Variants in ASAH1 observed in about 807,000 individuals in gnomAD.
The protein encoded by ASAH1 is N-acylsphingosine amidohydrolase 1.
A neutral mutation model predicts 59.5 loss-of-function variants in ASAH1; 70 were observed. That is an observed-to-expected ratio of 1.18 (90% CI 0.97 to 1.43). The LOEUF (loss-of-function observed/expected upper bound fraction) is 1.43. ASAH1 is among the 40% of genes most tolerant of loss of function. The probability of loss-of-function intolerance (pLI) is 0.00; values close to 1 mark genes in which losing one functional copy is unlikely to be tolerated. For synonymous variants in ASAH1, 213 were observed against 166.5 expected (o/e 1.28, Z -2.15); for missense variants, 660 against 482.5 (o/e 1.37, Z -3.45).
upstream of ASAH1, chr8:18,084,671 C>T (rs1171035271): frequency 1.2e-6 from 2 of 1,613,386 alleles, no homozygotes; most frequent in Non-Finnish European, 1.7e-6. Context: ...CTGTTGGTTA[C>T]CCACTTGGGC....
intron 13 of ASAH1, 48 bp downstream of exon 13, chr8:18,058,787 C>A: frequency 6.7e-7 from 1 of 1,503,288 alleles, no homozygotes; most frequent in Non-Finnish European, 9.3e-7. Context: ...AAACATAGGG[C>A]CAAATTCTTT....
rs759227096 is a variant in ASAH1, at chr8:18,084,067, C to G, written c.-9G>C. On this transcript the variant is annotated 5_prime_UTR_variant, in exon 1 of 14. Coordinates refer to ENST00000637790, the MANE Select transcript of ASAH1 (RefSeq NM_177924.5). ...CAACTCCGGCCCGGCATCGCTCTAG[C>G]AGCCAACGCCACTCCCCGGACTCCA... 19 of 1,598,348 alleles carry G rather than the reference C, an allele frequency of 1.2e-5. No individual in the cohort carries two copies. In the African/African-American group the frequency reaches 2.4e-4, roughly 20 times the overall value.
chr8:18,070,940 G>C (rs562347958), intron 3 of ASAH1, among the ~76,000 whole-genome samples: 12 of 152,190 alleles, frequency 7.9e-5, no homozygotes, highest in Non-Finnish European at 1.8e-4. Flanking sequence ...GGGCATGGCG[G>C]CTCATGCCTA....
chr8:18,079,474 G>T (rs1390476667), intron 1 of ASAH1, among the ~76,000 whole-genome samples: 1 of 139,434 alleles, frequency 7.2e-6, no homozygotes, highest in Non-Finnish European at 1.6e-5. Flanking sequence ...AGAACATTAA[G>T]GTCTCAATGA....
At chr8:18,084,128 G>A (rs1800788808), upstream of ASAH1, 1 of 1,582,418 alleles carries the variant, frequency 6.3e-7, no homozygotes, top group South Asian at 1.1e-5. Context: ...GCCGGGGGCA[G>A]GCCACGCCCC....
chr8:18,064,360 C>T, intron 6 of ASAH1, 97 bp downstream of exon 6: 2 of 963,074 alleles, frequency 2.1e-6, no homozygotes, highest in Middle Eastern at 4.1e-4. Context: ...ACAGAATTTA[C>T]ATAGCAAGCC....
At chr8:18,070,000 A>T in intron 3 of ASAH1, 122 bp from the exon 4 acceptor site, 1 of 643,680 alleles carries the variant, frequency 1.6e-6, no homozygotes, top group East Asian at 3.0e-5. Context: ...ATATTTTTTA[A>T]AACAGCATCT....
At chr8:18,070,400 G>A (rs530985232) in intron 3 of ASAH1, among the ~76,000 whole-genome samples, 16 of 151,580 alleles carry the variant, frequency 1.1e-4, no homozygotes, top group Non-Finnish European at 1.5e-4. Flanking sequence ...CACCCGCCTC[G>A]GCCTCCCAAA....
intron 3 of ASAH1, among the ~76,000 whole-genome samples, chr8:18,070,232 C>G (rs1800105907): frequency 3.3e-5 from 5 of 152,198 alleles, no homozygotes. Flanking sequence ...TCACCGCAAC[C>G]TCTGCCTCCC....
chr8:18,070,359 A>G (rs1043852768), intron 3 of ASAH1, among the ~76,000 whole-genome samples: 6 of 152,184 alleles, frequency 3.9e-5, no homozygotes, highest in African/African-American at 9.7e-5. Flanking sequence ...CATCTTGGCC[A>G]GGCTGGTCTC....
chr8:18,074,271 G>C (rs1800297836), intron 2 of ASAH1, among the ~76,000 whole-genome samples: 2 of 151,690 alleles, frequency 1.3e-5, no homozygotes, highest in African/African-American at 2.4e-5. Flanking sequence ...TCAGACAGCA[G>C]GCCATTGAAG....
At chr8:18,070,201 G>A (rs1437815685) in intron 3 of ASAH1, among the ~76,000 whole-genome samples, 2 of 151,858 alleles carry the variant, frequency 1.3e-5, no homozygotes, top group Non-Finnish European at 2.9e-5. Flanking sequence ...CCAGGCCGGA[G>A]TGCAATGGCA....
upstream of ASAH1, chr8:18,084,762 A>G (rs777761829): frequency 3.7e-6 from 6 of 1,613,534 alleles, no homozygotes; most frequent in South Asian, 6.6e-5. Flanking sequence ...GCCCGGTGGG[A>G]CCCGCGAGCT....
In ASAH1 at chr8:18,061,706, C is replaced by T. The variant is rs1453515191; in HGVS notation, c.683G>A (p.Ser228Asn). The change falls in exon 9 of 14, where the codon AGT (serine) becomes AAT (asparagine). Residue 228 changes from serine (S) to asparagine (N), a missense_variant. Transcript: ENST00000637790. ...LFSLTLNERFSINGGYLGILE... is the reference protein window; with the variant it reads ...LFSLTLNERFNINGGYLGILE... ...CTTACCCAGATAACCACCATTTATA[C>T]TGAAACGTTCATTCAGTGTAAGACT... 3.2e-6 allele frequency: 5 copies of T among 1,585,020 alleles called. No individual in the cohort carries two copies. The highest frequency in any genetic ancestry group is 3.5e-5 in the Admixed American group (2 of 56,650).
chr8:18,069,438 T>G (rs1426124109), intron 4 of ASAH1: 2 of 227,870 alleles, frequency 8.8e-6, no homozygotes, highest in African/African-American at 4.7e-5. Context: ...TGCTCATATC[T>G]ACAAAAAAAA....
At chr8:18,062,730 G>C (rs1799757566) in intron 7 of ASAH1, 1 of 423,558 alleles carries the variant, frequency 2.4e-6, no homozygotes, top group East Asian at 5.2e-5. Context: ...TAAAATAGAA[G>C]AGCATGTCCC....
In ASAH1 at chr8:18,061,712, C is replaced by T. The variant is rs377749094; in HGVS notation, c.677G>A (p.Arg226His). Residue 226 changes from arginine (R) to histidine (H), a missense_variant, in exon 9 of 14, where the codon CGT becomes CAT. Physicochemically the swap from Arg to His is conservative, Grantham distance 29 (BLOSUM62 0). Coordinates refer to ENST00000637790, the MANE Select transcript of ASAH1 (RefSeq NM_177924.5). Reference protein sequence around the residue: ...PGLFSLTLNERFSINGGYLGI... With the variant: ...PGLFSLTLNEHFSINGGYLGI... The stretch of plus-strand genomic sequence containing the variant: ...CAGATAACCACCATTTATACTGAAA[C>T]GTTCATTCAGTGTAAGACTGAACAG... 3.7e-5 allele frequency: 58 copies of T among 1,584,222 alleles called. No homozygotes were observed. Among genetic ancestry groups the T allele is most frequent in the Middle Eastern group, 1.7e-4 (1 of 6,046 alleles).
chr8:18,061,917 T>C (rs1321298705), intron 8 of ASAH1, 177 bp from the exon 9 acceptor site: 1 of 704,220 alleles, frequency 1.4e-6, no homozygotes, highest in South Asian at 1.7e-5. Flanking sequence ...GATTCTAGTA[T>C]GTGAGATAAG....
At chr8:18,084,572 G>A (rs1800817508), upstream of ASAH1, 1 of 1,545,762 alleles carries the variant, frequency 6.5e-7, no homozygotes, top group East Asian at 2.3e-5. Flanking sequence ...AATGAGTTGA[G>A]TTATTCATCC....
Sources: gnomAD v4.1 joint callset for allele counts (sites outside exome capture counted in the v4.1 genomes callset) on GRCh38, gnomAD v4.1.1 for gene constraint, MANE v1.5 for transcripts, NCBI Gene and HGNC (gene_info 2026-07-23, HGNC 2026-07-21) for gene names.